KRIT1: variants seen among roughly 807,000 people sequenced by gnomAD.
KRIT1 encodes KRIT1 ankyrin repeat containing.
In KRIT1, 45 loss-of-function variants were observed where a neutral mutation model predicts 95.8. That is an observed-to-expected ratio of 0.47 (90% CI 0.37 to 0.60). The LOEUF (loss-of-function observed/expected upper bound fraction) is 0.60, where lower values mean the gene tolerates loss of function less well. Among genes scored for constraint, KRIT1 ranks in the 20% least tolerant of loss-of-function variants. KRIT1 has a pLI of 0.00. For synonymous variants in KRIT1, 282 were observed against 278.8 expected (o/e 1.01, Z -0.11); for missense variants, 788 against 877.5 (o/e 0.90, Z 1.29).
Position 92,245,131 on chromosome 7 carries a change from G to A in KRIT1, c.-380C>T, listed in dbSNP as rs1217602444. 1 of 152,118 alleles carries A rather than the reference G, an allele frequency of 6.6e-6. No homozygotes were observed. Among genetic ancestry groups the A allele is most frequent in the African/African-American group, 2.4e-5 (1 of 41,396 alleles). 9.4% of individuals were successfully genotyped at this position (152,118 alleles called of 1,614,324 possible). ...ACCACCGAGATGAAAGACTTCTGGT[G>A]AGGCTAAAAACATGTAGAAAAAGCG... On this transcript the variant is annotated 5_prime_UTR_variant, in exon 2 of 19. Coordinates refer to ENST00000394505, the MANE Select transcript of KRIT1 (RefSeq NM_194454.3).
chr7:92,228,886 C>T (rs1796724167), intron 10 of KRIT1, among the ~76,000 whole-genome samples: 1 of 152,172 alleles, frequency 6.6e-6, no homozygotes, highest in Non-Finnish European at 1.5e-5. Context: ...TGGTCTCCAG[C>T]TCCATCCATG....
intron 10 of KRIT1, among the ~76,000 whole-genome samples, chr7:92,230,487 G>A (rs1481064535): frequency 6.6e-6 from 1 of 152,140 alleles, no homozygotes; most frequent in African/African-American, 2.4e-5. Context: ...CAGGGAAACA[G>A]ATCAAAAACT....
At chr7:92,239,555 C>T (rs1284212307) in intron 5 of KRIT1, among the ~76,000 whole-genome samples, 1 of 152,034 alleles carries the variant, frequency 6.6e-6, no homozygotes, top group Non-Finnish European at 1.5e-5. Flanking sequence ...TCTTCACATG[C>T]CTTGATTCCC....
intron 14 of KRIT1, among the ~76,000 whole-genome samples, chr7:92,215,140 T>TA (rs567955435): frequency 1.2e-4 from 19 of 152,050 alleles, no homozygotes; most frequent in Non-Finnish European, 1.9e-4. Flanking sequence ...TCAAAAAACG[T>TA]AAAAAAAATC....
chr7:92,207,509 T>C (rs369846712), intron 17 of KRIT1, among the ~76,000 whole-genome samples: 1 of 152,114 alleles, frequency 6.6e-6, no homozygotes. Flanking sequence ...CAACACTGAA[T>C]GGATCAAAAT....
intron 13 of KRIT1, 112 bp downstream of exon 13, chr7:92,222,710 T>G (rs1023049758): frequency 4.2e-6 from 3 of 714,514 alleles, no homozygotes; most frequent in Non-Finnish European, 7.3e-6. Context: ...AGAAGAACAT[T>G]GTATTATTTC....
chr7:92,225,915 TA>T, intron 11 of KRIT1, 88 bp from the exon 12 acceptor site: 1 of 751,022 alleles, frequency 1.3e-6, no homozygotes. Context: ...CACAGTTTCA[TA>T]AAAAAGAGAC....
chr7:92,239,270 G>C (rs1437575015), intron 5 of KRIT1, among the ~76,000 whole-genome samples: 1 of 152,196 alleles, frequency 6.6e-6, no homozygotes, highest in African/African-American at 2.4e-5. Flanking sequence ...TTTGTTAACA[G>C]TGAGATCTCT....
rs373118380 is a variant in KRIT1 at position 92,236,381 on chromosome 7, A to G, written c.485+32T>C. On this transcript the variant is annotated intron_variant, in intron 7 of 18. Transcript: ENST00000394505. ...TTCTACTATAAACATGTATTTGATT[A>G]ATTAAAAGATACTTCTAACGGCATT... The G allele has an allele frequency of 1.5e-5, 22 of 1,466,096 alleles. No individual in the cohort carries two copies. The African/African-American group carries it at 2.8e-4, about 19-fold the overall frequency. 90.8% of individuals were successfully genotyped at this position (1,466,096 alleles called of 1,614,324 possible).
chr7:92,228,908 A>G (rs908363229), intron 10 of KRIT1, among the ~76,000 whole-genome samples: 1 of 152,090 alleles, frequency 6.6e-6, no homozygotes, highest in Non-Finnish European at 1.5e-5. Flanking sequence ...TCCTGCAAAG[A>G]CAAGATCTTG....
intron 14 of KRIT1, among the ~76,000 whole-genome samples, chr7:92,215,227 T>C (rs1454156898): frequency 3.9e-5 from 6 of 152,192 alleles, no homozygotes; most frequent in African/African-American, 1.4e-4. Context: ...TAACAAATAT[T>C]ATCATCAGTT....
intron 13 of KRIT1, among the ~76,000 whole-genome samples, chr7:92,222,389 A>G (rs1255272103): frequency 1.3e-5 from 2 of 152,206 alleles, no homozygotes; most frequent in Admixed American, 6.5e-5. Flanking sequence ...CATCGATCAA[A>G]TTCTTTATGT....
At position 92,222,900 on chromosome 7, in the gene KRIT1, G is replaced by C; in HGVS notation, c.1333C>G (p.Gln445Glu). 1 of 1,599,950 alleles carries C rather than the reference G, an allele frequency of 6.3e-7. No homozygotes were observed. The highest frequency in any genetic ancestry group is 1.3e-5 in the African/African-American group (1 of 74,750). ...ELKHGNNTTVQQIMEGMRLSQ... is the reference protein window; with the variant it reads ...ELKHGNNTTVEQIMEGMRLSQ... ...AGACGCATTCCTTCCATTATCTGCTGCACTGTGGTATTATTTCCATGCTTC... is the reference window on the plus strand; with the variant it reads ...AGACGCATTCCTTCCATTATCTGCTCCACTGTGGTATTATTTCCATGCTTC... The change falls in exon 13 of 19, where the codon CAG (glutamine) becomes GAG (glutamate). Residue 445 changes from glutamine (Q) to glutamate (E), a missense_variant. Gln to Glu is a conservative substitution (Grantham distance 29). This residue lies in a region of KRIT1 where 493 missense variants were observed against 582.3 expected (regional missense o/e 0.85). Coordinates refer to ENST00000394505, the MANE Select transcript of KRIT1 (RefSeq NM_194454.3).
intron 14 of KRIT1, among the ~76,000 whole-genome samples, chr7:92,220,782 C>A (rs1372493956): frequency 6.6e-6 from 1 of 150,564 alleles, no homozygotes; most frequent in African/African-American, 2.4e-5. Flanking sequence ...GCAACCTCCA[C>A]CTCCCAGATT....
chr7:92,220,220 G>GT (rs1220995703), intron 14 of KRIT1, among the ~76,000 whole-genome samples: 4 of 152,114 alleles, frequency 2.6e-5, no homozygotes, highest in East Asian at 3.8e-4. Flanking sequence ...TTTTCTGAGA[G>GT]TTTTTTAAAT....
At chr7:92,239,707 CTTTTTTTTTTT>C (rs35969231) in intron 5 of KRIT1, among the ~76,000 whole-genome samples, 1 of 132,612 alleles carries the variant, frequency 7.5e-6, no homozygotes, top group Admixed American at 7.6e-5. Flanking sequence ...TATGCAGGAA[CTTTTTTTTTTT>C]TTTTTTTTTT....
chr7:92,230,180 A>T (rs1796993104), intron 10 of KRIT1, among the ~76,000 whole-genome samples: 1 of 152,144 alleles, frequency 6.6e-6, no homozygotes, highest in Non-Finnish European at 1.5e-5. Flanking sequence ...TAAAGTAGGC[A>T]GAGGTACTTT....
intron 17 of KRIT1, among the ~76,000 whole-genome samples, chr7:92,201,784 G>C (rs1022545040): frequency 6.6e-6 from 1 of 152,092 alleles, no homozygotes; most frequent in Non-Finnish European, 1.5e-5. Flanking sequence ...AGAACATGCG[G>C]TGTTTGGTTT....
chr7:92,233,762 T>A (rs1797828193), intron 10 of KRIT1, among the ~76,000 whole-genome samples: 2 of 152,164 alleles, frequency 1.3e-5, no homozygotes, highest in Admixed American at 1.3e-4. Context: ...AGAGCAACTT[T>A]CCCACAGAAA....
Sources: allele counts gnomAD v4.1 joint callset (sites outside exome capture counted in the v4.1 genomes callset), GRCh38; gene constraint gnomAD v4.1.1; regional missense constraint gnomAD v4.1.1; transcripts MANE v1.5; gene names NCBI Gene and HGNC (gene_info 2026-07-23, HGNC 2026-07-21).